ST6GAL2: variants seen among roughly 807,000 people sequenced by gnomAD.
ST6GAL2 encodes the protein ST6 beta-galactoside alpha-2,6-sialyltransferase 2.
In ST6GAL2, 24 loss-of-function variants were observed where a neutral mutation model predicts 37.5. The ratio of observed to expected loss-of-function variants is 0.64; its 90% CI spans 0.46 to 0.90. The LOEUF is 0.90. Among genes scored for constraint, ST6GAL2 ranks in the 40% least tolerant of loss-of-function variants. The pLI, the probability that ST6GAL2 is intolerant of heterozygous loss-of-function variation, is 0.00. For missense variants in ST6GAL2, 715 were observed against 712.7 expected, an observed-to-expected ratio of 1.00 and a Z score of -0.04; for synonymous variants, 306 against 295.1, an observed-to-expected ratio of 1.04 and a Z score of -0.38.
chr2:106,814,688 C>G (rs1675734378), intron 5 of ST6GAL2, among the ~76,000 whole-genome samples: 1 of 152,174 alleles, frequency 6.6e-6, no homozygotes. Flanking sequence ...CCTGGATGCC[C>G]TACTGCATGC....
intron 1 of ST6GAL2, among the ~76,000 whole-genome samples, chr2:106,861,369 T>G (rs1031284346): frequency 6.6e-5 from 10 of 152,232 alleles, no homozygotes; most frequent in Non-Finnish European, 1.5e-4. Flanking sequence ...TCATGGCATA[T>G]AAACTGCCAA....
At chr2:106,855,675 T>G (rs192453614) in intron 1 of ST6GAL2, among the ~76,000 whole-genome samples, 4 of 152,302 alleles carry the variant, frequency 2.6e-5, no homozygotes, top group East Asian at 1.9e-4. Flanking sequence ...TATATTAGTT[T>G]TTCTATTTTA....
chr2:106,807,670 T>C (rs1028173068), intron 5 of ST6GAL2, among the ~76,000 whole-genome samples: 4 of 147,064 alleles, frequency 2.7e-5, no homozygotes, highest in East Asian at 4.1e-4. Context: ...ACTGTGTTGC[T>C]CAAGCTGGAG....
At chr2:106,883,541 T>C (rs528383511) in intron 1 of ST6GAL2, among the ~76,000 whole-genome samples, 5 of 152,288 alleles carry the variant, frequency 3.3e-5, no homozygotes, top group African/African-American at 1.2e-4. Context: ...TTATATGCAA[T>C]TGTTACTTTT....
intron 1 of ST6GAL2, among the ~76,000 whole-genome samples, chr2:106,867,596 CCTT>C (rs1678087242): frequency 6.6e-6 from 1 of 152,132 alleles, no homozygotes; most frequent in Non-Finnish European, 1.5e-5. Flanking sequence ...ACTTCAAAGT[CCTT>C]CTGCTTTTTT....
intron 1 of ST6GAL2, among the ~76,000 whole-genome samples, chr2:106,870,646 T>C (rs1412742775): frequency 1.3e-5 from 2 of 152,174 alleles, no homozygotes; most frequent in African/African-American, 4.8e-5. Flanking sequence ...GATTATGGGT[T>C]TCCTGAAGAG....
In ST6GAL2 at chr2:106,843,377, T is replaced by C. The variant is rs748959361; in HGVS notation, c.601A>G (p.Arg201Gly). The C allele has an allele frequency of 3.1e-6, 5 of 1,614,132 alleles. No individual in the cohort carries two copies. The highest frequency in any genetic ancestry group is 2.5e-6 in the Non-Finnish European group (3 of 1,180,014). The change falls in exon 2 of 6, where the codon AGG becomes GGG. Residue 201 changes from arginine to glycine, a missense_variant. Arg to Gly is a moderately radical substitution (Grantham distance 125, BLOSUM62 -2). Around this residue, in one of 3 missense-constraint regions of ST6GAL2, gnomAD observed 512 missense variants for 488.8 expected, o/e 1.05. Transcript: ENST00000409382. ...TTCCAGAGCCGGTACAGGAAGGCCCTGGACATGGAGGAGTACAGCCTGTCG... is the reference window on the plus strand; with the variant it reads ...TTCCAGAGCCGGTACAGGAAGGCCCCGGACATGGAGGAGTACAGCCTGTCG... Reference protein sequence around the residue: ...DGDRLYSSMSRAFLYRLWKGN... With the variant: ...DGDRLYSSMSGAFLYRLWKGN...
chr2:106,828,784 T>C (rs776413088), intron 5 of ST6GAL2, among the ~76,000 whole-genome samples: 5 of 152,120 alleles, frequency 3.3e-5, no homozygotes, highest in Non-Finnish European at 7.3e-5. Flanking sequence ...GGTTCTTGTA[T>C]AGGTTTTAAT....
rs1038561062 is a variant in ST6GAL2 at position 106,804,390 on chromosome 2, C to T, written c.*2288G>A. The T allele has an allele frequency of 2.0e-5, 3 of 152,264 alleles. No individual in the cohort carries two copies. The highest frequency in any genetic ancestry group is 4.2e-4 in the South Asian group (2 of 4,818). The allele number at this position is 152,264 out of a possible 1,614,324, so 9.4% of individuals were successfully genotyped here. A position where few individuals can be genotyped will look rare whatever the true frequency, so the allele number is the denominator to read the frequency against. Reference sequence around the variant, plus strand: ...TCCACTTGCAAAACTATAAAAGGAGCTTCAGGGGCATTTAATGGTCTGGAA... The same window carrying T: ...TCCACTTGCAAAACTATAAAAGGAGTTTCAGGGGCATTTAATGGTCTGGAA... On this transcript the variant is annotated 3_prime_UTR_variant, in exon 6 of 6. Transcript: ENST00000409382.
intron 5 of ST6GAL2, among the ~76,000 whole-genome samples, chr2:106,829,830 C>A (rs1400373101): frequency 6.6e-6 from 1 of 151,188 alleles, no homozygotes; most frequent in Non-Finnish European, 1.5e-5. Flanking sequence ...ACATGGCACT[C>A]AAAGCAAAGG....
upstream of ST6GAL2, chr2:106,887,144 G>C (rs1251972084): frequency 6.6e-6 from 1 of 152,348 alleles, no homozygotes; most frequent in African/African-American, 2.4e-5. Context: ...ACCTCCCCCC[G>C]CCAGCGCGGA....
chr2:106,878,650 T>C (rs1678609334), intron 1 of ST6GAL2, among the ~76,000 whole-genome samples: 1 of 152,198 alleles, frequency 6.6e-6, no homozygotes, highest in African/African-American at 2.4e-5. Context: ...AGAATCTACA[T>C]TGTATTAGGT....
At chr2:106,862,904 TAA>T in intron 1 of ST6GAL2, among the ~76,000 whole-genome samples, 1 of 144,252 alleles carries the variant, frequency 6.9e-6, no homozygotes, top group East Asian at 3.0e-4. Flanking sequence ...ATTAATTTGA[TAA>T]AATATGTTTC....
At chr2:106,861,616 T>C (rs1014984731) in intron 1 of ST6GAL2, among the ~76,000 whole-genome samples, 4 of 151,978 alleles carry the variant, frequency 2.6e-5, no homozygotes, top group Non-Finnish European at 5.9e-5. Context: ...TCATTTATTC[T>C]TTCTTTTTTT....
intron 5 of ST6GAL2, among the ~76,000 whole-genome samples, chr2:106,811,783 C>A (rs962984056): frequency 3.3e-5 from 5 of 152,156 alleles, no homozygotes; most frequent in African/African-American, 1.2e-4. Context: ...CAGTTCCCAA[C>A]ACACCCCTAG....
Position 106,827,367 on chromosome 2 carries a change from G to A in ST6GAL2, c.1318+2699C>T, listed in dbSNP as rs780819622. 1.1e-4 allele frequency among the ~76,000 whole-genome samples: 17 copies of A among 152,242 alleles called. No homozygotes were observed. In the South Asian group the frequency reaches 1.9e-3, roughly 17 times the overall value. On this transcript the variant is annotated intron_variant, in intron 5 of 5. Transcript: ENST00000409382. ...GAGGGGCAAAGACTACTGCAGTCTC[G>A]TGAGTCATCAGAAGGTGCTGGAGTT...
Position 106,843,083 on chromosome 2 carries a change from C to T in ST6GAL2, c.895G>A (p.Val299Ile), listed in dbSNP as rs762309942. ...HPRGLRSCAVVMSAGAILNSS... is the reference protein window; with the variant it reads ...HPRGLRSCAVIMSAGAILNSS... ...TTGAGGATTGCGCCTGCAGACATGA[C>T]GACAGCGCAGCTGCGCAGGCCGCGG... The change falls in exon 2 of 6, where the codon GTC becomes ATC. Residue 299 changes from valine (V) to isoleucine (I), a missense_variant. Around this residue, in one of 3 missense-constraint regions of ST6GAL2, gnomAD observed 512 missense variants for 488.8 expected, o/e 1.05. Coordinates refer to ENST00000409382, the MANE Select transcript of ST6GAL2 (RefSeq NM_001142351.2). 1.1e-5 allele frequency: 17 copies of T among 1,504,148 alleles called. No homozygotes were observed. The African/African-American group carries it at 2.2e-4, about 19-fold the overall frequency. 93.2% of individuals were successfully genotyped at this position (1,504,148 alleles called of 1,614,324 possible).
chr2:106,868,264 A>C (rs1678117180), intron 1 of ST6GAL2, among the ~76,000 whole-genome samples: 1 of 152,152 alleles, frequency 6.6e-6, no homozygotes, highest in Admixed American at 6.5e-5. Flanking sequence ...GTTTGTTAAA[A>C]CAGAAGGAAA....
At chr2:106,833,150 G>GA (rs1363348634) in intron 3 of ST6GAL2, among the ~76,000 whole-genome samples, 1 of 151,454 alleles carries the variant, frequency 6.6e-6, no homozygotes, top group African/African-American at 2.4e-5. Context: ...ATTATTTCAG[G>GA]AAAAAACAAC....
Sources: allele counts gnomAD v4.1 joint callset (sites outside exome capture counted in the v4.1 genomes callset), GRCh38; gene constraint gnomAD v4.1.1; regional missense constraint gnomAD v4.1.1; transcripts MANE v1.5; gene names NCBI Gene and HGNC (gene_info 2026-07-23, HGNC 2026-07-21).